TRIM55: variants seen among roughly 807,000 people sequenced by gnomAD.
The protein encoded by TRIM55 is tripartite motif containing 55.
Under a neutral mutation model 60.9 loss-of-function variants are expected in TRIM55, and 50 were observed. The ratio of observed to expected loss-of-function variants is 0.82; its 90% confidence interval spans 0.65 to 1.04. The LOEUF is 1.04. Ranked by LOEUF, TRIM55 falls within the 50% of genes least tolerant of loss-of-function variation. The pLI is 0.00. For synonymous variants in TRIM55, 237 were observed against 238.1 expected, an observed-to-expected ratio of 1.00 and a Z score of 0.04; for missense variants, 681 against 666.9, an observed-to-expected ratio of 1.02 and a Z score of -0.23.
chr8:66,114,693 G>GT, the TRIM55 span: 1 of 454,134 alleles, frequency 2.2e-6, no homozygotes, highest in Admixed American at 2.4e-5. Context: ...GGAACTGTTC[G>GT]GCCCCATCTC....
At chr8:66,130,377 T>C (rs1299413583) in intron 2 of TRIM55, among the ~76,000 whole-genome samples, 1 of 152,222 alleles carries the variant, frequency 6.6e-6, no homozygotes, top group African/African-American at 2.4e-5. Context: ...CAATTTTACT[T>C]GGTAGCAAAA....
chr8:66,137,800 G>A (rs1036331179), intron 4 of TRIM55, among the ~76,000 whole-genome samples: 2 of 151,438 alleles, frequency 1.3e-5, no homozygotes, highest in Non-Finnish European at 2.9e-5. Flanking sequence ...GAAGAGATGA[G>A]TGGCCGGTTG....
intron 9 of TRIM55, among the ~76,000 whole-genome samples, chr8:66,173,911 GA>G (rs397728598): frequency 3.3e-4 from 50 of 150,248 alleles, no homozygotes; most frequent in South Asian, 8.4e-4. Context: ...ATTACCTAGA[GA>G]AAAAAAAATC....
intron 4 of TRIM55, among the ~76,000 whole-genome samples, chr8:66,139,856 T>C (rs1809703327): frequency 6.6e-6 from 1 of 152,232 alleles, no homozygotes; most frequent in African/African-American, 2.4e-5. Context: ...GTTTAGGATG[T>C]ATATTCATAT....
At chr8:66,114,656 T>G in the TRIM55 span, 1 of 456,162 alleles carries the variant, frequency 2.2e-6, no homozygotes, top group Non-Finnish European at 4.4e-6. Context: ...GCTGATTACT[T>G]TGAACGTTTG....
At chr8:66,165,812 T>C (rs1181475964) in intron 9 of TRIM55, among the ~76,000 whole-genome samples, 1 of 152,220 alleles carries the variant, frequency 6.6e-6, no homozygotes, top group African/African-American at 2.4e-5. Context: ...GGTAGTGAGA[T>C]GCAGACATTC....
Position 66,154,160 on chromosome 8 carries a change from C to A in TRIM55, c.1350C>A (p.Thr450=). The change falls in exon 9 of 10, where the codon ACC becomes ACA. Residue 450 remains threonine (T), a synonymous_variant. Coordinates refer to ENST00000315962, the MANE Select transcript of TRIM55 (RefSeq NM_184085.2). ...ACCCTAGTTGGTATAAAGGCCAAAC[C>A]CGGAAAGCCACCACCAACCCACCTT... ...LFYPSWYKGQ[T]RKATTNPPCT... is the part of the protein sequence containing the mutation. 2 of 1,614,076 alleles carry A rather than the reference C, an allele frequency of 1.2e-6. No homozygotes were observed. Among genetic ancestry groups the A allele is most frequent in the South Asian group, 2.2e-5 (2 of 91,076 alleles).
At chr8:66,117,629 T>C in the TRIM55 span, among the ~76,000 whole-genome samples, 153 of 151,982 alleles carry the variant, frequency 1.0e-3, 1 homozygote, top group Admixed American at 7.1e-3. Flanking sequence ...CATTAATAGG[T>C]TTTAAATAAG....
At chr8:66,156,808 C>T (rs1472965958) in intron 9 of TRIM55, among the ~76,000 whole-genome samples, 2 of 152,276 alleles carry the variant, frequency 1.3e-5, no homozygotes, top group South Asian at 4.1e-4. Flanking sequence ...GTGTCTGGAA[C>T]TGTGTGTGAG....
chr8:66,173,232 A>G (rs534771718), intron 9 of TRIM55, among the ~76,000 whole-genome samples: 20 of 152,262 alleles, frequency 1.3e-4, no homozygotes, highest in Non-Finnish European at 2.1e-4. Flanking sequence ...ATATGATTTC[A>G]TGGCCCTTTT....
At chr8:66,153,438 G>T (rs768246318) in intron 8 of TRIM55, among the ~76,000 whole-genome samples, 2 of 152,186 alleles carry the variant, frequency 1.3e-5, no homozygotes, top group Non-Finnish European at 2.9e-5. Context: ...ACTCATCAGA[G>T]AGGAGTCCTG....
upstream of TRIM55, among the ~76,000 whole-genome samples, chr8:66,123,853 G>C (rs1396743084): frequency 6.6e-6 from 1 of 152,148 alleles, no homozygotes; most frequent in African/African-American, 2.4e-5. Context: ...GTGACCCTCT[G>C]TCTCTTAAAA....
In TRIM55 at chr8:66,153,650, T is replaced by A. The variant is rs78412488; in HGVS notation, c.1237-397T>A. The stretch of plus-strand genomic sequence containing the variant: ...CTAAGTGAGGGTTGGATTTGATCAA[T>A]AAGATTAATTTTTGTTTTTTATAAT... On this transcript the variant is annotated intron_variant, in intron 8 of 9. Coordinates refer to ENST00000315962, the MANE Select transcript of TRIM55 (RefSeq NM_184085.2). 2.4e-5 allele frequency among the ~76,000 whole-genome samples: 3 copies of A among 125,394 alleles called. No homozygotes were observed. The Admixed American group carries it at 3.1e-4, about 13-fold the overall frequency. 82.3% of individuals were successfully genotyped at this position (125,394 alleles called of 152,430 possible). A position where few individuals can be genotyped will look rare whatever the true frequency, so the allele number is the denominator to read the frequency against.
Position 66,127,428 on chromosome 8 carries a change from A to G in TRIM55, c.160A>G (p.Ile54Val), listed in dbSNP as rs1320007526. 5.0e-6 allele frequency: 8 copies of G among 1,611,622 alleles called. No individual in the cohort carries two copies. The East Asian group carries it at 1.6e-4, about 31-fold the overall frequency. ...CCTGTGTAGGAAATGTGCCAGTGAT[A>G]TTTTCCAGGTAGGTTTGTTTGGAAT... ...HNLCRKCASD[I>V]FQASNPYLPT... Residue 54 changes from isoleucine (I) to valine (V), a missense_variant, in exon 1 of 10, where the codon ATT (isoleucine) becomes GTT (valine). Coordinates refer to ENST00000315962, the MANE Select transcript of TRIM55 (RefSeq NM_184085.2).
chr8:66,150,484 C>T lies in TRIM55; in HGVS notation c.985+18C>T, dbSNP rs1438597270. On this transcript the variant is annotated intron_variant, in intron 7 of 9. Coordinates refer to ENST00000315962, the MANE Select transcript of TRIM55 (RefSeq NM_184085.2). ...TTACAGAGGTTTGTTATTCTTTTGA[C>T]CATTTGGCCGAAGTTGCAGGTGTGT... 1 of 1,613,242 alleles carries T rather than the reference C, an allele frequency of 6.2e-7. No homozygotes were observed. The highest frequency in any genetic ancestry group is 1.1e-5 in the South Asian group (1 of 90,948).
At chr8:66,118,073 G>A in the TRIM55 span, among the ~76,000 whole-genome samples, 106 of 148,032 alleles carry the variant, frequency 7.2e-4, no homozygotes, top group African/African-American at 2.5e-3. Flanking sequence ...GGAGGCTGAA[G>A]CAGGAGAATG....
At chr8:66,127,480 A>T (rs777841592) in intron 1 of TRIM55, 44 bp downstream of exon 1, 1 of 1,599,998 alleles carries the variant, frequency 6.3e-7, no homozygotes, top group Admixed American at 1.7e-5. Context: ...GGTGGAAAAG[A>T]TTCCCTCCTC....
upstream of TRIM55, chr8:66,127,064 A>G (rs1238962709): frequency 4.0e-6 from 2 of 496,804 alleles, no homozygotes; most frequent in Non-Finnish European, 7.2e-6. Context: ...GCTTATATGG[A>G]CACGTCAGCC....
chr8:66,114,082 ACC>A, the TRIM55 span, among the ~76,000 whole-genome samples: 2 of 75,300 alleles, frequency 2.7e-5, no homozygotes, highest in African/African-American at 6.0e-5. Flanking sequence ...AAGGAGAGAC[ACC>A]CCCCCCCCCA....
Sources: gnomAD v4.1 joint callset for allele counts (sites outside exome capture counted in the v4.1 genomes callset) on GRCh38, gnomAD v4.1.1 for gene constraint, MANE v1.5 for transcripts, NCBI Gene and HGNC (gene_info 2026-07-23, HGNC 2026-07-21) for gene names.